CD320: variants seen among roughly 807,000 people sequenced by gnomAD.
CD320 encodes CD320 antigen.
A neutral mutation model predicts 22.1 loss-of-function variants in CD320; 16 were observed. The ratio of observed to expected loss-of-function variants is 0.73; its 90% confidence interval spans 0.49 to 1.10. The LOEUF is 1.10. CD320 is among the 50% of genes least tolerant of loss of function. The pLI is 0.00. For missense variants in CD320, 388 were observed against 376.9 expected (o/e 1.03, Z -0.24); for synonymous variants, 188 against 167.8 (o/e 1.12, Z -0.93).
At chr19:8,307,150 G>C (rs933628272) in intron 1 of CD320, among the ~76,000 whole-genome samples, 26 of 151,892 alleles carry the variant, frequency 1.7e-4, no homozygotes, top group African/African-American at 6.3e-4. Context: ...AAATTAGCCG[G>C]GCATGGTGAC....
At position 8,302,454 on chromosome 19, in the gene CD320, T is replaced by C; in HGVS notation, c.*9A>G. ...AGGGCTGAGTGACGGTGGTGGCAAG[T>C]GCTTGTCCTCAGGGCAGCGAGGTCT... On this transcript the variant is annotated 3_prime_UTR_variant, in exon 5 of 5. Coordinates refer to ENST00000301458, the MANE Select transcript of CD320 (RefSeq NM_016579.4). 2 of 1,613,848 alleles carry C rather than the reference T, an allele frequency of 1.2e-6. No individual in the cohort carries two copies. Among genetic ancestry groups the C allele is most frequent in the Non-Finnish European group, 1.7e-6 (2 of 1,179,986 alleles).
intron 3 of CD320, 39 bp from the exon 4 acceptor site, chr19:8,303,019 C>A: frequency 6.3e-7 from 1 of 1,578,720 alleles, no homozygotes; most frequent in African/African-American, 1.3e-5. Context: ...GAGGAGAGAG[C>A]ACTGAAGGCG....
intron 3 of CD320, among the ~76,000 whole-genome samples, chr19:8,303,621 G>T (rs1970042193): frequency 6.6e-6 from 1 of 151,874 alleles, no homozygotes; most frequent in South Asian, 2.1e-4. Flanking sequence ...CGCAGTGTTT[G>T]CCAGGCAGGT....
Position 8,304,086 on chromosome 19 carries a change from T to C in CD320, c.271A>G (p.Ile91Val), listed in dbSNP as rs978772315. Residue 91 changes from isoleucine (I) to valine (V), a missense_variant and splice_region_variant, in exon 3 of 5, where the codon ATT becomes GTT. Transcript: ENST00000301458. ...TGCCCTTTCTGGGTACATGGCTCAATCCCTGGGGCACAGGGTTGGTCAGGT... is the reference window on the plus strand; with the variant it reads ...TGCCCTTTCTGGGTACATGGCTCAACCCCTGGGGCACAGGGTTGGTCAGGT... ...SDGSDEEECR[I>V]EPCTQKGQCP... is the part of the protein sequence containing the mutation. 2.7e-6 allele frequency: 4 copies of C among 1,503,568 alleles called. No homozygotes were observed. In the African/African-American group the frequency reaches 5.5e-5, roughly 21 times the overall value. The allele number at this position is 1,503,568 out of a possible 1,614,324, so 93.1% of individuals were successfully genotyped here. A position where few individuals can be genotyped will look rare whatever the true frequency, so the allele number is the denominator to read the frequency against.
At chr19:8,303,127 T>C in intron 3 of CD320, 147 bp from the exon 4 acceptor site, 1 of 692,608 alleles carries the variant, frequency 1.4e-6, no homozygotes, top group Non-Finnish European at 2.5e-6. Flanking sequence ...TTTTTTTTTT[T>C]TTTTTTGGAG....
chr19:8,307,224 G>A (rs565086858), intron 1 of CD320, among the ~76,000 whole-genome samples: 81 of 151,816 alleles, frequency 5.3e-4, no homozygotes, highest in African/African-American at 1.9e-3. Context: ...CCCGGGAGGC[G>A]GAGGGTGCAG....
chr19:8,306,665 C>T (rs535239679), intron 1 of CD320, among the ~76,000 whole-genome samples: 1 of 152,346 alleles, frequency 6.6e-6, no homozygotes, highest in South Asian at 2.1e-4. Context: ...GGCCTAATTG[C>T]ACCTACTTGC....
In CD320 at chr19:8,308,247, C is replaced by T. The variant is rs2145383968; in HGVS notation, c.44G>A (p.Gly15Glu). 1.3e-6 allele frequency: 2 copies of T among 1,583,758 alleles called. No homozygotes were observed. The highest frequency in any genetic ancestry group is 1.7e-6 in the Non-Finnish European group (2 of 1,171,406). The change falls in exon 1 of 5, where the codon GGG becomes GAG. Residue 15 changes from glycine (G) to glutamate (E), a missense_variant. Coordinates refer to ENST00000301458, the MANE Select transcript of CD320 (RefSeq NM_016579.4). Reference sequence around the variant, plus strand: ...CAGCAGCAGCGCCAGGCCCAGAGCCCCTGTTCGCCACGCTCCAACCTGCGC... The same window carrying T: ...CAGCAGCAGCGCCAGGCCCAGAGCCTCTGTTCGCCACGCTCCAACCTGCGC... ...WMAQVGAWRT[G>E]ALGLALLLLL...
At chr19:8,304,778 G>A in intron 2 of CD320, 1 of 484,508 alleles carries the variant, frequency 2.1e-6, no homozygotes, top group Non-Finnish European at 3.8e-6. Context: ...GCTCACTGCA[G>A]CGGCAACCTC....
intron 1 of CD320, chr19:8,305,592 G>A: frequency 5.1e-6 from 1 of 194,898 alleles, no homozygotes; most frequent in Non-Finnish European, 1.1e-5. Flanking sequence ...TGTAATGCCA[G>A]CTACTCGGGA....
chr19:8,308,186 C>A lies in CD320; in HGVS notation c.105G>T (p.Ala35=). The A allele has an allele frequency of 6.4e-7, 1 of 1,557,958 alleles. No homozygotes were observed. The highest frequency in any genetic ancestry group is 8.6e-7 in the Non-Finnish European group (1 of 1,159,742). Residue 35 remains alanine (A), a synonymous_variant, in exon 1 of 5, where the codon GCG becomes GCT. Coordinates refer to ENST00000301458, the MANE Select transcript of CD320 (RefSeq NM_016579.4). ...CAGAGGTCGGGGTGGAAAGCGGGCT[C>A]GCGGCGGCCTCCAGGCCTAGTCCGA... ...LGLGLGLEAA[A]SPLSTPTSAQ... is the part of the protein sequence containing the mutation.
intron 2 of CD320, 105 bp downstream of exon 2, chr19:8,304,926 C>T (rs141961396): frequency 1.0e-5 from 14 of 1,372,802 alleles, no homozygotes; most frequent in African/African-American, 1.4e-5. Flanking sequence ...CCCATCCCTG[C>T]GGCCCTGCCT....
At chr19:8,303,773 C>T (rs531950944) in intron 3 of CD320, 82 bp downstream of exon 3, 51 of 931,480 alleles carry the variant, frequency 5.5e-5, no homozygotes, top group Non-Finnish European at 7.6e-5. Flanking sequence ...CATGTGTCCA[C>T]GCCCCCAGCC....
chr19:8,307,687 AAGG>A (rs1387938178), intron 1 of CD320, among the ~76,000 whole-genome samples: 5 of 152,158 alleles, frequency 3.3e-5, no homozygotes, highest in Admixed American at 6.6e-5. Flanking sequence ...ATGGAGGACA[AAGG>A]AGGAGAGACT....
intron 2 of CD320, chr19:8,304,681 CA>C: frequency 4.7e-6 from 1 of 214,446 alleles, no homozygotes; most frequent in Non-Finnish European, 8.7e-6. Flanking sequence ...TCCTTTCTTT[CA>C]TTTTTCTTTT....
intron 3 of CD320, among the ~76,000 whole-genome samples, chr19:8,303,650 G>C (rs991095861): frequency 1.1e-4 from 17 of 152,046 alleles, no homozygotes; most frequent in Admixed American, 9.2e-4. Context: ...CCTGACCTCA[G>C]ATGATCCGCC....
intron 1 of CD320, chr19:8,305,481 G>A (rs889070359): frequency 2.1e-5 from 7 of 327,758 alleles, no homozygotes; most frequent in African/African-American, 1.1e-4. Context: ...GCCGAGGCAG[G>A]TGGATCACTT....
At chr19:8,304,836 G>A (rs1970064403) in intron 2 of CD320, 195 bp downstream of exon 2, 1 of 586,984 alleles carries the variant, frequency 1.7e-6, no homozygotes, top group Non-Finnish European at 3.1e-6. Flanking sequence ...CAAAGTGCTG[G>A]GATTGCAGGC....
chr19:8,304,253 G>A (rs1970054676), intron 2 of CD320, among the ~76,000 whole-genome samples, 165 bp from the exon 3 acceptor site: 1 of 152,144 alleles, frequency 6.6e-6, no homozygotes, highest in Admixed American at 6.5e-5. Context: ...CACTTTCTAA[G>A]GACAGGCCTC....
Sources: allele counts gnomAD v4.1 joint callset (sites outside exome capture counted in the v4.1 genomes callset), GRCh38; gene constraint gnomAD v4.1.1; transcripts MANE v1.5; gene names NCBI Gene and HGNC (gene_info 2026-07-23, HGNC 2026-07-21).